The following NSL1 variants were observed in gnomAD, a reference collection of about 807,000 sequenced individuals.
NSL1 encodes kinetochore-associated protein NSL1 homolog.
A neutral mutation model predicts 25.4 loss-of-function variants in NSL1; 11 were observed. The observed-to-expected ratio is 0.43, with a 90% CI of 0.27 to 0.72. The LOEUF is 0.72. Ranked by LOEUF, NSL1 falls within the 30% of genes least tolerant of loss-of-function variation. The pLI is 0.19. For synonymous variants in NSL1, 118 were observed against 120.6 expected (o/e 0.98, Z 0.14); for missense variants, 330 against 342.7 (o/e 0.96, Z 0.29).
At chr1:212,754,960 T>C (rs1237359498) in intron 4 of NSL1, among the ~76,000 whole-genome samples, 2 of 152,116 alleles carry the variant, frequency 1.3e-5, no homozygotes, top group Non-Finnish European at 2.9e-5. Flanking sequence ...GGCTCCAGCC[T>C]GGGATTGTTT....
intron 4 of NSL1, among the ~76,000 whole-genome samples, chr1:212,770,240 A>C (rs1275426529): frequency 6.6e-6 from 1 of 152,194 alleles, no homozygotes; most frequent in African/African-American, 2.4e-5. Context: ...ATAGTAGTCA[A>C]GGACTTCAAC....
Position 212,736,394 on chromosome 1 carries a change from G to A in NSL1, c.*2014C>T. 1 of 985,078 alleles carries A rather than the reference G, an allele frequency of 1.0e-6. No homozygotes were observed. Among genetic ancestry groups the A allele is most frequent in the South Asian group, 4.7e-5 (1 of 21,278 alleles). The allele number at this position is 985,078 out of a possible 1,614,324, so 61.0% of individuals were successfully genotyped here. Reference sequence around the variant, plus strand: ...CTCTTTTTATCATAGAGCAAGATTTGATTTTCAATTTTTTCCTTCAACCTT... The same window carrying A: ...CTCTTTTTATCATAGAGCAAGATTTAATTTTCAATTTTTTCCTTCAACCTT... On this transcript the variant is annotated 3_prime_UTR_variant, in exon 6 of 6. Coordinates refer to ENST00000366977, the MANE Select transcript of NSL1 (RefSeq NM_015471.4).
intron 4 of NSL1, among the ~76,000 whole-genome samples, chr1:212,772,758 C>T (rs748407284): frequency 6.6e-6 from 1 of 152,004 alleles, no homozygotes. Flanking sequence ...AATACTGAAC[C>T]AAAATAATAA....
intron 2 of NSL1, among the ~76,000 whole-genome samples, chr1:212,785,232 T>A (rs1429531774): frequency 6.6e-6 from 1 of 152,140 alleles, no homozygotes; most frequent in African/African-American, 2.4e-5. Context: ...ATACAGTGAG[T>A]TTAGAGTTTC....
In NSL1 at chr1:212,738,351, C is replaced by T. The variant is rs759099472; in HGVS notation, c.*57G>A. On this transcript the variant is annotated 3_prime_UTR_variant, in exon 6 of 6. Transcript: ENST00000366977. ...AAGTCTTATCTAGGTATTAATTAGG[C>T]TGTAATCTAAATGTTGATGGTGCCT... 3.2e-6 allele frequency: 5 copies of T among 1,550,400 alleles called. No homozygotes were observed. The highest frequency in any genetic ancestry group is 4.3e-6 in the Non-Finnish European group (5 of 1,154,262).
rs1657945240 is a variant in NSL1 at position 212,729,985 on chromosome 1, T to G, written c.*8423A>C. 1.0e-6 allele frequency: 1 copy of G among 984,580 alleles called. No individual in the cohort carries two copies. The highest frequency in any genetic ancestry group is 4.7e-5 in the South Asian group (1 of 21,250). 61.0% of individuals were successfully genotyped at this position (984,580 alleles called of 1,614,324 possible). Reference sequence around the variant, plus strand: ...AATGAAATGGGCCGGGCGTGGCGGCTCACTCCTGTAATCACAGCACTTTGG... The same window carrying G: ...AATGAAATGGGCCGGGCGTGGCGGCGCACTCCTGTAATCACAGCACTTTGG... On this transcript the variant is annotated 3_prime_UTR_variant, in exon 6 of 6. Transcript: ENST00000366977.
chr1:212,738,943 A>G (rs1175523715), intron 5 of NSL1, among the ~76,000 whole-genome samples: 1 of 152,080 alleles, frequency 6.6e-6, no homozygotes, highest in Admixed American at 6.6e-5. Flanking sequence ...TTGTATTTTT[A>G]GTAGACGTGG....
chr1:212,757,873 T>C (rs4951638), intron 4 of NSL1, among the ~76,000 whole-genome samples: 44,911 of 152,066 alleles, frequency 0.3, 8,412 homozygotes, highest in Non-Finnish European at 0.4. Flanking sequence ...TATGGTGACA[T>C]GGATAAGAGC....
rs1053106788 is a variant in NSL1 at position 212,729,273 on chromosome 1, C to T, written c.*9135G>A. On this transcript the variant is annotated 3_prime_UTR_variant, in exon 6 of 6. Transcript: ENST00000366977. ...GGCTCCTAGCCTCTCCCTCAGCTCCCTCTTTTCCCTCTAATGGATCCCTAG... is the reference window on the plus strand; with the variant it reads ...GGCTCCTAGCCTCTCCCTCAGCTCCTTCTTTTCCCTCTAATGGATCCCTAG... The T allele has an allele frequency of 1.0e-6, 1 of 985,408 alleles. No homozygotes were observed. Among genetic ancestry groups the T allele is most frequent in the Non-Finnish European group, 1.2e-6 (1 of 829,926 alleles). The allele number at this position is 985,408 out of a possible 1,614,324, so 61.0% of individuals were successfully genotyped here.
chr1:212,754,887 G>A (rs960292601), intron 4 of NSL1, among the ~76,000 whole-genome samples: 17 of 151,984 alleles, frequency 1.1e-4, no homozygotes, highest in African/African-American at 3.9e-4. Context: ...TCCAAGCCTG[G>A]GCCTGGACCA....
At chr1:212,745,491 G>A (rs1658745152) in intron 4 of NSL1, among the ~76,000 whole-genome samples, 1 of 151,986 alleles carries the variant, frequency 6.6e-6, no homozygotes, top group Non-Finnish European at 1.5e-5. Flanking sequence ...TTACATATAA[G>A]ACATCCTCAA....
intron 2 of NSL1, 106 bp downstream of exon 2, chr1:212,787,453 T>A: frequency 1.4e-6 from 1 of 706,718 alleles, no homozygotes; most frequent in African/African-American, 1.8e-5. Context: ...AAACAACTTC[T>A]TGAAAATAAA....
In NSL1 at chr1:212,731,126, T is replaced by C. The variant is rs537984999; in HGVS notation, c.*7282A>G. 2.0e-5 allele frequency: 20 copies of C among 982,490 alleles called. No individual in the cohort carries two copies. The South Asian group carries it at 8.1e-4, about 40-fold the overall frequency. 60.9% of individuals were successfully genotyped at this position (982,490 alleles called of 1,614,324 possible). A position where few individuals can be genotyped will look rare whatever the true frequency, so the allele number is the denominator to read the frequency against. On this transcript the variant is annotated 3_prime_UTR_variant, in exon 6 of 6. Coordinates refer to ENST00000366977, the MANE Select transcript of NSL1 (RefSeq NM_015471.4). ...CCTTCAGTGGTTCTCTAGAGAGATA[T>C]TTTTTTCTTCAGAGACTTTCATAAT...
intron 4 of NSL1, among the ~76,000 whole-genome samples, chr1:212,754,319 G>A (rs914777938): frequency 3.3e-5 from 5 of 152,158 alleles, no homozygotes; most frequent in African/African-American, 7.2e-5. Flanking sequence ...TCAGGCTAAA[G>A]CTGCAGGCCT....
In NSL1 at chr1:212,737,592, T is replaced by C. The variant is rs904259691; in HGVS notation, c.*816A>G. 3 of 963,424 alleles carry C rather than the reference T, an allele frequency of 3.1e-6. No individual in the cohort carries two copies. Among genetic ancestry groups the C allele is most frequent in the Non-Finnish European group, 3.7e-6 (3 of 809,844 alleles). The allele number at this position is 963,424 out of a possible 1,614,324, so 59.7% of individuals were successfully genotyped here. A position where few individuals can be genotyped will look rare whatever the true frequency, so the allele number is the denominator to read the frequency against. ...TATATAAACATCTTCAAATGTGAAA[T>C]AGTTCAATAACACAATGACACTTTG... is the stretch of plus-strand genomic sequence containing the variant. On this transcript the variant is annotated 3_prime_UTR_variant, in exon 6 of 6. Coordinates refer to ENST00000366977, the MANE Select transcript of NSL1 (RefSeq NM_015471.4).
At chr1:212,771,631 A>C (rs1224683287) in intron 4 of NSL1, among the ~76,000 whole-genome samples, 2 of 151,674 alleles carry the variant, frequency 1.3e-5, no homozygotes, top group Admixed American at 6.6e-5. Context: ...AAAAAAAAAA[A>C]ACCTTAGAAC....
rs1657955333 is a variant in NSL1, at chr1:212,730,190, C to T, written c.*8218G>A. 1.1e-6 allele frequency: 1 copy of T among 931,628 alleles called. No homozygotes were observed. The highest frequency in any genetic ancestry group is 1.2e-6 in the Non-Finnish European group (1 of 803,814). The allele number at this position is 931,628 out of a possible 1,614,324, so 57.7% of individuals were successfully genotyped here. A position where few individuals can be genotyped will look rare whatever the true frequency, so the allele number is the denominator to read the frequency against. On this transcript the variant is annotated 3_prime_UTR_variant, in exon 6 of 6. Transcript: ENST00000366977. ...TCTTGAACCTGGGAGGTGGAGGTTGCAGTGAGTTGAGATCGCTCCACTACA... is the reference window on the plus strand; with the variant it reads ...TCTTGAACCTGGGAGGTGGAGGTTGTAGTGAGTTGAGATCGCTCCACTACA...
intron 4 of NSL1, among the ~76,000 whole-genome samples, chr1:212,779,251 C>A (rs995547085): frequency 6.7e-6 from 1 of 150,198 alleles, no homozygotes; most frequent in African/African-American, 2.5e-5. Flanking sequence ...GGTCAGCCCC[C>A]CTCCCGGCCA....
chr1:212,776,039 T>C (rs1217410931), intron 4 of NSL1, among the ~76,000 whole-genome samples: 1 of 152,110 alleles, frequency 6.6e-6, no homozygotes, highest in Non-Finnish European at 1.5e-5. Context: ...ATGGTCTCAA[T>C]CTCCTGAGCT....
Sources: allele counts gnomAD v4.1 joint callset (sites outside exome capture counted in the v4.1 genomes callset), GRCh38; gene constraint gnomAD v4.1.1; transcripts MANE v1.5; gene names NCBI Gene and HGNC (gene_info 2026-07-23, HGNC 2026-07-21).